LRAT: variants seen among roughly 807,000 people sequenced by gnomAD.
LRAT encodes lecithin retinol acyltransferase (phosphatidylcholine--retinol O-acyltransferase).
Under a neutral mutation model 14.2 loss-of-function variants are expected in LRAT, and 11 were observed. The ratio of observed to expected loss-of-function variants is 0.78; its 90% confidence interval spans 0.49 to 1.29. The LOEUF (loss-of-function observed/expected upper bound fraction) is 1.29, where lower values mean the gene tolerates loss of function less well. Ranked by LOEUF, LRAT falls within the 50% of genes most tolerant of loss-of-function variation. The pLI, the probability that LRAT is intolerant of heterozygous loss-of-function variation, is 0.00. For missense variants in LRAT, 274 were observed against 292.4 expected (o/e 0.94, Z 0.46); for synonymous variants, 144 against 124.8 (o/e 1.15, Z -1.03).
chr4:154,752,001 A>AT lies in LRAT; in HGVS notation c.*2866dup, dbSNP rs1312663523. On this transcript the variant is annotated 3_prime_UTR_variant, in exon 3 of 3. Coordinates refer to ENST00000336356, the MANE Select transcript of LRAT (RefSeq NM_004744.5). Reference sequence around the variant, plus strand: ...GACTAATTGGGGCTAAGATGAATTAATGTAAGTGTCAGATACTAGGCAGGT... The same window carrying AT: ...GACTAATTGGGGCTAAGATGAATTAATTGTAAGTGTCAGATACTAGGCAGGT... The AT allele has an allele frequency of 1.3e-5, 2 of 152,232 alleles. No individual in the cohort carries two copies. Among genetic ancestry groups the AT allele is most frequent in the Non-Finnish European group, 2.9e-5 (2 of 68,040 alleles). 9.4% of individuals were successfully genotyped at this position (152,232 alleles called of 1,614,324 possible).
At chr4:154,746,880 A>C (rs372075856) in intron 2 of LRAT, among the ~76,000 whole-genome samples, 2 of 152,234 alleles carry the variant, frequency 1.3e-5, no homozygotes, top group South Asian at 4.1e-4. Flanking sequence ...TTTTGTCTTC[A>C]CTTTGAATGG....
At chr4:154,741,500 T>G, upstream of LRAT, among the ~76,000 whole-genome samples, 1 of 152,150 alleles carries the variant, frequency 6.6e-6, no homozygotes, top group East Asian at 1.9e-4. Flanking sequence ...GGCAAAAATA[T>G]CCTTCAAGAA....
intron 2 of LRAT, chr4:154,748,501 T>C: frequency 3.7e-6 from 2 of 540,188 alleles, no homozygotes; most frequent in Non-Finnish European, 4.8e-6. Context: ...TTAGACTTTC[T>C]ATGCCTGTAG....
intron 2 of LRAT, among the ~76,000 whole-genome samples, chr4:154,747,476 C>T (rs551356571): frequency 2.6e-5 from 4 of 152,104 alleles, no homozygotes; most frequent in African/African-American, 9.6e-5. Context: ...AGTGTTCCTA[C>T]AGACTTATTG....
At chr4:154,747,956 C>T (rs1167076890) in intron 2 of LRAT, among the ~76,000 whole-genome samples, 2 of 152,098 alleles carry the variant, frequency 1.3e-5, no homozygotes, top group Non-Finnish European at 2.9e-5. Context: ...CATTCTATCA[C>T]TTAATAATTT....
intron 2 of LRAT, among the ~76,000 whole-genome samples, chr4:154,746,388 T>A (rs1437439064): frequency 1.3e-5 from 2 of 152,218 alleles, no homozygotes; most frequent in Non-Finnish European, 2.9e-5. Context: ...TATTTTGCTT[T>A]TATAGATCGG....
chr4:154,749,196 CATCA>C lies in LRAT; in HGVS notation c.*67_*70del, dbSNP rs1381505834. 6 of 1,517,644 alleles carry C rather than the reference CATCA, an allele frequency of 4.0e-6. No individual in the cohort carries two copies. The highest frequency in any genetic ancestry group is 2.7e-6 in the Non-Finnish European group (3 of 1,093,236). 94.0% of individuals were successfully genotyped at this position (1,517,644 alleles called of 1,614,324 possible). ...TGTAAATATGTTTATATTTATAGAG[CATCA>C]ATCAATATAAGCATTATTGAGAAAA... On this transcript the variant is annotated 3_prime_UTR_variant, in exon 3 of 3. Transcript: ENST00000336356.
intron 2 of LRAT, among the ~76,000 whole-genome samples, chr4:154,747,926 TAA>T (rs1732913659): frequency 6.6e-6 from 1 of 152,128 alleles, no homozygotes; most frequent in Non-Finnish European, 1.5e-5. Context: ...AGTGGTGTAT[TAA>T]AACATATTGA....
At chr4:154,742,804 C>G (rs569114068), upstream of LRAT, among the ~76,000 whole-genome samples, 1 of 152,130 alleles carries the variant, frequency 6.6e-6, no homozygotes, top group Non-Finnish European at 1.5e-5. Context: ...AACTTAGCAT[C>G]TCATCCAAGT....
At chr4:154,748,579 G>T (rs897002658) in intron 2 of LRAT, among the ~76,000 whole-genome samples, 3 of 152,072 alleles carry the variant, frequency 2.0e-5, no homozygotes, top group Admixed American at 1.3e-4. Flanking sequence ...TGGAGGAATT[G>T]AATCTACTTT....
upstream of LRAT, among the ~76,000 whole-genome samples, chr4:154,741,243 C>T (rs1233834073): frequency 6.6e-6 from 1 of 152,086 alleles, no homozygotes; most frequent in Non-Finnish European, 1.5e-5. Flanking sequence ...GCTCATTCCA[C>T]GCTATATTTT....
Position 154,744,396 on chromosome 4 carries a change from C to G in LRAT, c.70C>G (p.Leu24Val). 5 of 1,614,182 alleles carry G rather than the reference C, an allele frequency of 3.1e-6. No homozygotes were observed. Among genetic ancestry groups the G allele is most frequent in the Non-Finnish European group, 3.4e-6 (4 of 1,180,038 alleles). Residue 24 changes from leucine to valine, a missense_variant, in exon 2 of 3, where the codon CTC becomes GTC. Coordinates refer to ENST00000336356, the MANE Select transcript of LRAT (RefSeq NM_004744.5). ...GCTGCTCCTCATCTCCAACTTCACG[C>G]TCTTTAGTTCGGGCGCCGCGGGCGA... ...EKLLLISNFT[L>V]FSSGAAGEDK... is the part of the protein sequence containing the mutation.
rs1229491340 is a variant in LRAT, at chr4:154,744,128, G to A, written c.-96G>A. On this transcript the variant is annotated 5_prime_UTR_variant, in exon 1 of 3. Coordinates refer to ENST00000336356, the MANE Select transcript of LRAT (RefSeq NM_004744.5). ...CTTATCCGTCTCATTCCCCATTGTG[G>A]CTTGGCTGAGCCGGTCGCCAGGCCT... 1.6e-6 allele frequency: 1 copy of A among 616,082 alleles called. No individual in the cohort carries two copies. The highest frequency in any genetic ancestry group is 1.9e-5 in the South Asian group (1 of 52,986). 38.2% of individuals were successfully genotyped at this position (616,082 alleles called of 1,614,324 possible).
chr4:154,742,439 G>C (rs1481208144), upstream of LRAT, among the ~76,000 whole-genome samples: 2 of 152,080 alleles, frequency 1.3e-5, no homozygotes, highest in Non-Finnish European at 2.9e-5. Flanking sequence ...CAAGGATAAT[G>C]GGGAGCCGTT....
rs1432139358 is a variant in LRAT at position 154,749,423 on chromosome 4, C to A, written c.*287C>A. The A allele has an allele frequency of 2.5e-6, 1 of 402,000 alleles. No homozygotes were observed. Among genetic ancestry groups the A allele is most frequent in the East Asian group, 5.3e-5 (1 of 18,964 alleles). The allele number at this position is 402,000 out of a possible 1,614,324, so 24.9% of individuals were successfully genotyped here. A position where few individuals can be genotyped will look rare whatever the true frequency, so the allele number is the denominator to read the frequency against. On this transcript the variant is annotated 3_prime_UTR_variant, in exon 3 of 3. Coordinates refer to ENST00000336356, the MANE Select transcript of LRAT (RefSeq NM_004744.5). ...GAAAACCAGCCCCTAAAATGATAGC[C>A]ACAAGAGATTAATTGTGTTTTTTTT... is the stretch of plus-strand genomic sequence containing the variant.
chr4:154,748,399 T>C, intron 2 of LRAT: 2 of 990,148 alleles, frequency 2.0e-6, no homozygotes, highest in Non-Finnish European at 2.4e-6. Flanking sequence ...GTAAGGACAA[T>C]ATTTGTCTTT....
intron 2 of LRAT, 116 bp from the exon 3 acceptor site, chr4:154,748,868 A>T (rs1732931753): frequency 1.8e-5 from 17 of 966,812 alleles, no homozygotes; most frequent in Non-Finnish European, 2.6e-5. Context: ...CATAAGAAAA[A>T]GTCTAGTTCT....
chr4:154,741,476 T>A (rs1368682918), upstream of LRAT, among the ~76,000 whole-genome samples: 1 of 152,194 alleles, frequency 6.6e-6, no homozygotes, highest in Non-Finnish European at 1.5e-5. Context: ...CTTAAAAAAT[T>A]GGAATTTATC....
Position 154,744,401 on chromosome 4 carries a change from TA to T in LRAT, c.76del (p.Ser26ValfsTer33). On this transcript the variant is annotated frameshift_variant, in exon 2 of 3. Transcript: ENST00000336356. LOFTEE classifies it high-confidence loss of function. ...TCCTCATCTCCAACTTCACGCTCTTTAGTTCGGGCGCCGCGGGCGAAGACAA... is the reference window on the plus strand; with the variant it reads ...TCCTCATCTCCAACTTCACGCTCTTTGTTCGGGCGCCGCGGGCGAAGACAA... ...LLLISNFTLF[S>X]SGAAGEDKGR... 1 of 1,614,142 alleles carries T rather than the reference TA, an allele frequency of 6.2e-7. No homozygotes were observed. Among genetic ancestry groups the T allele is most frequent in the Non-Finnish European group, 8.5e-7 (1 of 1,180,034 alleles).
Sources: gnomAD v4.1 joint callset for allele counts (sites outside exome capture counted in the v4.1 genomes callset) on GRCh38, gnomAD v4.1.1 for gene constraint, MANE v1.5 for transcripts, NCBI Gene and HGNC (gene_info 2026-07-23, HGNC 2026-07-21) for gene names.